The following DHRS3 variants were observed in gnomAD, a reference collection of about 807,000 sequenced individuals.
The protein encoded by DHRS3 is dehydrogenase/reductase 3.
Under a neutral mutation model 27.2 loss-of-function variants are expected in DHRS3, and 14 were observed. That is an observed-to-expected ratio of 0.52 (90% CI 0.34 to 0.81). DHRS3 has a LOEUF of 0.81. DHRS3 is among the 30% of genes least tolerant of loss of function. The pLI is 0.01. For missense variants in DHRS3, 322 were observed against 406.2 expected (o/e 0.79, Z 1.78); for synonymous variants, 165 against 175.9 (o/e 0.94, Z 0.49).
intron 1 of DHRS3, among the ~76,000 whole-genome samples, chr1:12,583,350 TCCACCCAC>T (rs1352078845): frequency 2.1e-4 from 28 of 131,956 alleles, no homozygotes; most frequent in Non-Finnish European, 3.4e-4. Context: ...CATCCATCCA[TCCACCCAC>T]CCATCCATTC....
chr1:12,579,789 AG>A (rs1026702778), intron 2 of DHRS3: 4 of 211,894 alleles, frequency 1.9e-5, no homozygotes, highest in African/African-American at 9.4e-5. Context: ...ACTTTTTAAA[AG>A]GGATATGGCT....
intron 1 of DHRS3, among the ~76,000 whole-genome samples, chr1:12,609,926 G>A (rs1220431526): frequency 6.6e-6 from 1 of 152,054 alleles, no homozygotes; most frequent in African/African-American, 2.4e-5. Context: ...TTCCCACCAT[G>A]CCCTCGCCTC....
In DHRS3 at chr1:12,578,703, C is replaced by G; in HGVS notation, c.698+15G>C. ...TGAGAAGGCTGGTCTCAAGGTGGGTCCCCTGCTCACTGACCTGACTCTCAT... is the reference window on the plus strand; with the variant it reads ...TGAGAAGGCTGGTCTCAAGGTGGGTGCCCTGCTCACTGACCTGACTCTCAT... On this transcript the variant is annotated intron_variant, in intron 4 of 5. Transcript: ENST00000616661. The surrounding 1 kb of genome is among the most constrained non-coding windows in gnomAD (Gnocchi z 4.5). 6.2e-7 allele frequency: 1 copy of G among 1,604,454 alleles called. No homozygotes were observed.
intron 5 of DHRS3, among the ~76,000 whole-genome samples, chr1:12,569,215 C>CTCTCT (rs1398306746): frequency 0.012 from 1,104 of 88,340 alleles, 4 homozygotes; most frequent in African/African-American, 0.026. Context: ...AAAACTCTGT[C>CTCTCT]CCCTCTCTCT....
At chr1:12,580,325 T>C (rs1300310751) in intron 2 of DHRS3, 198 bp downstream of exon 2, 2 of 660,198 alleles carry the variant, frequency 3.0e-6, no homozygotes, top group Non-Finnish European at 5.4e-6. Context: ...AACAGATGAT[T>C]ACGCCTGTTA....
At chr1:12,615,024 C>A (rs1173442280) in intron 1 of DHRS3, among the ~76,000 whole-genome samples, 1 of 152,148 alleles carries the variant, frequency 6.6e-6, no homozygotes, top group Non-Finnish European at 1.5e-5. Flanking sequence ...CCCTTTGTTC[C>A]CAACCCCACT....
At chr1:12,584,738 G>GCAGCTT (rs1557519615) in intron 1 of DHRS3, among the ~76,000 whole-genome samples, 17 of 152,222 alleles carry the variant, frequency 1.1e-4, no homozygotes, top group Admixed American at 6.5e-4. Context: ...CGGGCCTTGG[G>GCAGCTT]TGAGGAGCAG....
intron 1 of DHRS3, among the ~76,000 whole-genome samples, chr1:12,581,069 C>A (rs1051661023): frequency 1.3e-5 from 2 of 151,982 alleles, no homozygotes; most frequent in Non-Finnish European, 2.9e-5. Context: ...TTCAAGCAAT[C>A]CTCCCACCTC....
intron 1 of DHRS3, among the ~76,000 whole-genome samples, chr1:12,588,483 C>T (rs1473609459): frequency 6.6e-6 from 1 of 152,206 alleles, no homozygotes; most frequent in Non-Finnish European, 1.5e-5. Context: ...TCACTGCTAA[C>T]ACTAGTCTTT....
chr1:12,591,824 CAGGTACAGTG>C lies in DHRS3; in HGVS notation c.196-11168_196-11159del, dbSNP rs1301080541. Among the ~76,000 whole-genome samples the C allele has an allele frequency of 6.6e-6, 1 of 152,224 alleles. No individual in the cohort carries two copies. Among genetic ancestry groups the C allele is most frequent in the Non-Finnish European group, 1.5e-5 (1 of 68,046 alleles). On this transcript the variant is annotated intron_variant, in intron 1 of 5. Coordinates refer to ENST00000616661, the MANE Select transcript of DHRS3 (RefSeq NM_004753.7). This position sits in a 1 kb window ranked among gnomAD's most constrained non-coding sequence, Gnocchi z 4.1. ...CGAAACAACATATTCATTCAGTGCA[CAGGTACAGTG>C]AGCTGATGCCATGTCCAAGGACTGG...
intron 1 of DHRS3, among the ~76,000 whole-genome samples, chr1:12,589,848 T>A (rs1646730654): frequency 6.6e-6 from 1 of 151,558 alleles, no homozygotes; most frequent in Non-Finnish European, 1.5e-5. Context: ...GTCATTATTA[T>A]TATTATTATT....
chr1:12,600,511 G>A (rs1322874940), intron 1 of DHRS3: 1 of 478,600 alleles, frequency 2.1e-6, no homozygotes. Context: ...GACGCCATGT[G>A]GGTGTGTCTG....
At chr1:12,612,602 CT>C (rs1557534608) in intron 1 of DHRS3, among the ~76,000 whole-genome samples, 3 of 152,206 alleles carry the variant, frequency 2.0e-5, no homozygotes, top group Admixed American at 6.5e-5. Flanking sequence ...CTCCTCTGTG[CT>C]TCCACTGTGT....
At chr1:12,611,804 A>C (rs10864574) in intron 1 of DHRS3, among the ~76,000 whole-genome samples, 67,400 of 151,472 alleles carry the variant, frequency 0.44, 15,728 homozygotes, top group African/African-American at 0.59. Flanking sequence ...TCAAGAACCC[A>C]GTCTTGGCTG....
Position 12,594,005 on chromosome 1 carries a change from T to C in DHRS3, c.196-13339A>G, listed in dbSNP as rs1262143159. Among the ~76,000 whole-genome samples the C allele has an allele frequency of 6.6e-6, 1 of 152,232 alleles. No homozygotes were observed. Among genetic ancestry groups the C allele is most frequent in the Non-Finnish European group, 1.5e-5 (1 of 68,048 alleles). ...GCAGAGAAACTCAGGCTAGAGTTCA[T>C]GGCTGACACCTCACAACCTTTGCCC... is the stretch of plus-strand genomic sequence containing the variant. On this transcript the variant is annotated intron_variant, in intron 1 of 5. Transcript: ENST00000616661. The surrounding 1 kb of genome is among the most constrained non-coding windows in gnomAD (Gnocchi z 4.1).
chr1:12,581,997 C>T (rs1646648740), intron 1 of DHRS3, among the ~76,000 whole-genome samples: 1 of 152,182 alleles, frequency 6.6e-6, no homozygotes, highest in Non-Finnish European at 1.5e-5. Flanking sequence ...GAATAAAACA[C>T]CTGACTCCAT....
chr1:12,609,377 GCA>G (rs1419906564), intron 1 of DHRS3, among the ~76,000 whole-genome samples: 2 of 152,204 alleles, frequency 1.3e-5, no homozygotes, highest in African/African-American at 4.8e-5. Flanking sequence ...CTGGCTGGGA[GCA>G]GGGCTGCCCA....
chr1:12,584,354 A>G (rs1646673304), intron 1 of DHRS3, among the ~76,000 whole-genome samples: 1 of 152,096 alleles, frequency 6.6e-6, no homozygotes, highest in Admixed American at 6.6e-5. Flanking sequence ...TGGGCCAGGA[A>G]GCCCCCCAGG....
chr1:12,579,056 T>C (rs1212734531), intron 3 of DHRS3, 100 bp from the exon 4 acceptor site: 1 of 1,283,890 alleles, frequency 7.8e-7, no homozygotes, highest in Non-Finnish European at 1.1e-6. Context: ...CACATGATGC[T>C]CTAGGGCCCG....
Sources: allele counts gnomAD v4.1 joint callset (sites outside exome capture counted in the v4.1 genomes callset), GRCh38; gene constraint gnomAD v4.1.1; non-coding constraint Gnocchi (gnomAD v3.1); transcripts MANE v1.5; gene names NCBI Gene and HGNC (gene_info 2026-07-23, HGNC 2026-07-21).